Variants in NAF1 observed in about 807,000 individuals in gnomAD.
NAF1 encodes the protein H/ACA ribonucleoprotein complex non-core subunit NAF1.
NAF1 carries 11 observed loss-of-function variants against 40.6 expected under a neutral mutation model. The observed-to-expected ratio is 0.27, with a 90% CI of 0.17 to 0.45. The LOEUF (loss-of-function observed/expected upper bound fraction) is 0.45, where lower values mean the gene tolerates loss of function less well. Ranked by LOEUF, NAF1 falls within the 20% of genes least tolerant of loss-of-function variation. The pLI, the probability that NAF1 is intolerant of heterozygous loss-of-function variation, is 1.00. For missense variants in NAF1, 607 were observed against 611.1 expected (o/e 0.99, Z 0.07); for synonymous variants, 260 against 228.5 (o/e 1.14, Z -1.24).
chr4:163,143,033 T>C (rs756965562), intron 4 of NAF1, among the ~76,000 whole-genome samples: 7 of 152,184 alleles, frequency 4.6e-5, no homozygotes, highest in Non-Finnish European at 1.0e-4. Context: ...TTTGGAAAAG[T>C]AGCACCTGAG....
chr4:163,147,671 A>C (rs1017472239), intron 3 of NAF1, among the ~76,000 whole-genome samples: 5 of 152,218 alleles, frequency 3.3e-5, no homozygotes, highest in African/African-American at 1.2e-4. Flanking sequence ...TGAATCTGTA[A>C]ATACATTACA....
chr4:163,138,596 T>G (rs1341108362), intron 5 of NAF1, among the ~76,000 whole-genome samples: 1 of 152,086 alleles, frequency 6.6e-6, no homozygotes, highest in Non-Finnish European at 1.5e-5. Context: ...GACAAAGTAC[T>G]CCACCAAGTT....
intron 2 of NAF1, among the ~76,000 whole-genome samples, chr4:163,114,121 A>G (rs1409472497): frequency 6.6e-6 from 1 of 152,234 alleles, no homozygotes; most frequent in Non-Finnish European, 1.5e-5. Context: ...AGCATCACTA[A>G]TATGACAGTT....
intron 2 of NAF1, among the ~76,000 whole-genome samples, chr4:163,155,358 A>T (rs1472789982): frequency 1.3e-5 from 2 of 152,200 alleles, no homozygotes; most frequent in East Asian, 3.8e-4. Context: ...AGCACCCAAA[A>T]AGATGGCTAG....
chr4:163,133,232 T>C lies in NAF1; in HGVS notation c.955A>G (p.Lys319Glu), dbSNP rs1343534886. The change falls in exon 7 of 8, where the codon AAA becomes GAA. Residue 319 changes from lysine (K) to glutamate (E), a missense_variant. Coordinates refer to ENST00000274054, the MANE Select transcript of NAF1 (RefSeq NM_138386.3). ...PEALDFSDDE[K>E]EKEAKQRKKS... ...TTCCTCTGTTTGGCTTCCTTCTCTTTTTCATCATCACTAAAATCTAAGGCC... is the reference window on the plus strand; with the variant it reads ...TTCCTCTGTTTGGCTTCCTTCTCTTCTTCATCATCACTAAAATCTAAGGCC... 1 of 1,613,636 alleles carries C rather than the reference T, an allele frequency of 6.2e-7. No individual in the cohort carries two copies. The highest frequency in any genetic ancestry group is 1.3e-5 in the African/African-American group (1 of 74,916).
rs561050364 is a variant in NAF1, at chr4:163,147,857, C to T, written c.634+484G>A. On this transcript the variant is annotated intron_variant, in intron 3 of 7. Coordinates refer to ENST00000274054, the MANE Select transcript of NAF1 (RefSeq NM_138386.3). ...AGGCTCAGAGACAGACGTTACATTA[C>T]TGGCCTTCAGGATGAAGAAAGAGAG... Among the ~76,000 whole-genome samples the T allele has an allele frequency of 2.0e-5, 3 of 152,260 alleles. 1 individual carries two copies. The South Asian group carries it at 6.2e-4, about 32-fold the overall frequency.
At chr4:163,156,735 T>C (rs1579183621) in intron 2 of NAF1, among the ~76,000 whole-genome samples, 1 of 152,148 alleles carries the variant, frequency 6.6e-6, no homozygotes, top group Non-Finnish European at 1.5e-5. Context: ...TTTAACAGCA[T>C]GCACCATATT....
At chr4:163,107,073 G>A (rs1730060694), downstream of NAF1, among the ~76,000 whole-genome samples, 2 of 151,722 alleles carry the variant, frequency 1.3e-5, no homozygotes, top group South Asian at 4.2e-4. Context: ...TGCAACCTCC[G>A]CCTCCTGGGT....
At chr4:163,105,293 TAAC>T (rs1477777295), downstream of NAF1, among the ~76,000 whole-genome samples, 4 of 152,324 alleles carry the variant, frequency 2.6e-5, no homozygotes, top group African/African-American at 9.6e-5. Flanking sequence ...ATTCAGATAA[TAAC>T]AGCTCTAATA....
At chr4:163,105,781 T>A (rs1362143283), downstream of NAF1, among the ~76,000 whole-genome samples, 1 of 152,206 alleles carries the variant, frequency 6.6e-6, no homozygotes, top group Non-Finnish European at 1.5e-5. Flanking sequence ...CTTGTATCTG[T>A]CTTAAATCTT....
In NAF1 at chr4:163,129,196, A is replaced by T; in HGVS notation, c.1186T>A (p.Tyr396Asn). The change falls in exon 8 of 8, where the codon TAT becomes AAT. Residue 396 changes from tyrosine (Y) to asparagine (N), a missense_variant. Physicochemically the swap from Tyr to Asn is moderately radical, Grantham distance 143. Coordinates refer to ENST00000274054, the MANE Select transcript of NAF1 (RefSeq NM_138386.3). Reference sequence around the variant, plus strand: ...TGAGATACCATATGTTCTGAGTTATAGAAATGCTGAGGTGGAGGCCTGCCA... The same window carrying T: ...TGAGATACCATATGTTCTGAGTTATTGAAATGCTGAGGTGGAGGCCTGCCA... ...CHGRPPPQHFYNSEHMVSQET... is the reference protein window; with the variant it reads ...CHGRPPPQHFNNSEHMVSQET... The T allele has an allele frequency of 6.2e-7, 1 of 1,613,946 alleles. No individual in the cohort carries two copies. The highest frequency in any genetic ancestry group is 8.5e-7 in the Non-Finnish European group (1 of 1,179,824).
intron 2 of NAF1, among the ~76,000 whole-genome samples, chr4:163,151,475 G>A (rs1731703391): frequency 6.6e-6 from 1 of 151,676 alleles, no homozygotes; most frequent in Admixed American, 6.6e-5. Context: ...CAGTTATCCT[G>A]ACATGCTGTA....
chr4:163,129,438 A>G, intron 7 of NAF1, 90 bp from the exon 8 acceptor site: 2 of 1,283,000 alleles, frequency 1.6e-6, no homozygotes, highest in Non-Finnish European at 2.1e-6. Context: ...GATTTTTATT[A>G]TCCAGTATAT....
the NAF1 span, among the ~76,000 whole-genome samples, chr4:163,104,272 T>G: frequency 6.6e-6 from 1 of 151,326 alleles, no homozygotes; most frequent in Non-Finnish European, 1.5e-5. Flanking sequence ...GATGTATACA[T>G]GCAGGTCACA....
At position 163,140,245 on chromosome 4, in the gene NAF1, T is replaced by C. The variant is rs771359307; in HGVS notation, c.856A>G (p.Ile286Val). ...APSMKDFTQY[I>V]FTEKLKQDKG... ...TACTGTTTTAGTTTTTCTGTGAATA[T>C]ATATTGAGTGAAATCTTTCATTGAT... The change falls in exon 5 of 8, where the codon ATA (isoleucine) becomes GTA (valine). Residue 286 changes from isoleucine to valine, a missense_variant. By Grantham distance (29) the Ile-to-Val change is conservative. Transcript: ENST00000274054. 1.7e-5 allele frequency: 27 copies of C among 1,603,614 alleles called. No individual in the cohort carries two copies. Among genetic ancestry groups the C allele is most frequent in the Non-Finnish European group, 2.2e-5 (26 of 1,176,772 alleles).
chr4:163,137,306 C>G, intron 5 of NAF1, 56 bp from the exon 6 acceptor site: 1 of 1,546,468 alleles, frequency 6.5e-7, no homozygotes, highest in Admixed American at 2.1e-5. Flanking sequence ...CTATTAAGTG[C>G]TCATAACTTA....
At chr4:163,154,889 A>C (rs1304440661) in intron 2 of NAF1, among the ~76,000 whole-genome samples, 1 of 124,730 alleles carries the variant, frequency 8.0e-6, no homozygotes, top group Non-Finnish European at 1.8e-5. Flanking sequence ...CAAAACAAAA[A>C]CAAAAAAAAA....
intron 2 of NAF1, among the ~76,000 whole-genome samples, chr4:163,116,280 A>C (rs1730335466): frequency 6.6e-6 from 1 of 152,222 alleles, no homozygotes; most frequent in African/African-American, 2.4e-5. Flanking sequence ...TTTAATTATG[A>C]AACTGCTACC....
intron 2 of NAF1, among the ~76,000 whole-genome samples, chr4:163,115,008 C>T (rs1347220975): frequency 6.6e-6 from 1 of 151,900 alleles, no homozygotes; most frequent in Admixed American, 6.6e-5. Flanking sequence ...TAAAGTTATT[C>T]ATAATATCAT....
Sources: gnomAD v4.1 joint callset for allele counts (sites outside exome capture counted in the v4.1 genomes callset) on GRCh38, gnomAD v4.1.1 for gene constraint, MANE v1.5 for transcripts, NCBI Gene and HGNC (gene_info 2026-07-23, HGNC 2026-07-21) for gene names.